The following SLC5A10 variants were observed in gnomAD, a reference collection of about 807,000 sequenced individuals.
The protein encoded by SLC5A10 is sodium/mannose cotransporter SLC5A10.
In SLC5A10, 55 loss-of-function variants were observed where a neutral mutation model predicts 68.9. The ratio of observed to expected loss-of-function variants is 0.80; its 90% CI spans 0.64 to 1.00. The LOEUF (loss-of-function observed/expected upper bound fraction) is 1.00, where lower values mean the gene tolerates loss of function less well. SLC5A10 is among the 50% of genes least tolerant of loss of function. The pLI is 0.00. For missense variants in SLC5A10, 732 were observed against 819.3 expected (o/e 0.89, Z 1.30); for synonymous variants, 344 against 344.8 (o/e 1.00, Z 0.02).
At chr17:18,969,465 C>T (rs540340579) in intron 7 of SLC5A10, 43 bp downstream of exon 7, 7 of 1,579,270 alleles carry the variant, frequency 4.4e-6, no homozygotes, top group East Asian at 2.2e-5. Flanking sequence ...GTCCCCACAG[C>T]GAGCCCTTTG....
intron 9 of SLC5A10, among the ~76,000 whole-genome samples, chr17:19,009,274 C>T (rs1008910776): frequency 1.3e-5 from 2 of 152,156 alleles, no homozygotes; most frequent in Non-Finnish European, 2.9e-5. Flanking sequence ...TCACTGCAGC[C>T]TGCACCTCCC....
rs1182605629 is a variant in SLC5A10 at position 18,971,893 on chromosome 17, T to G, written c.846+675T>G. The G allele has an allele frequency of 3.7e-6, 3 of 812,574 alleles. No homozygotes were observed. The allele number at this position is 812,574 out of a possible 1,614,324, so 50.3% of individuals were successfully genotyped here. On this transcript the variant is annotated intron_variant, in intron 8 of 14. Coordinates refer to ENST00000395645, the MANE Select transcript of SLC5A10 (RefSeq NM_001042450.4). This position sits in a 1 kb window ranked among gnomAD's most constrained non-coding sequence, Gnocchi z 5.5. ...TCACCAGGGAGTGGGCCTAGACCAG[T>G]TGGTTTAGTCACTCGATGCCTCAGT...
rs201628555 is a variant in SLC5A10, at chr17:19,006,382, T to TTTTTTTC, written c.983-7007_983-7001dup. 9.3e-3 allele frequency among the ~76,000 whole-genome samples: 1,405 copies of TTTTTTTC among 151,306 alleles called. 105 individuals are homozygous for TTTTTTTC. In the East Asian group the frequency reaches 0.18, roughly 19 times the overall value. ...ACCAGAGACACCATGCCCAGCTAAT[T>TTTTTTTC]TTTTTTCTTTTTTCTTTTTTCTTTT... On this transcript the variant is annotated intron_variant, in intron 9 of 14. Transcript: ENST00000395645.
Position 19,013,453 on chromosome 17 carries a change from C to T in SLC5A10, c.1026C>T (p.Cys342=), listed in dbSNP as rs761581582. ...CVVPSECLRA[C]GAEVGCSNIA... ...TGCCGTCCGAGTGCCTGCGGGCCTG[C>T]GGGGCCGAGGTCGGCTGCTCCAACA... Residue 342 remains cysteine, a synonymous_variant, in exon 10 of 15, where the codon TGC becomes TGT. Transcript: ENST00000395645. 45 of 1,603,772 alleles carry T rather than the reference C, an allele frequency of 2.8e-5. No homozygotes were observed. Among genetic ancestry groups the T allele is most frequent in the South Asian group, 2.3e-4 (21 of 89,990 alleles).
chr17:18,965,912 T>C (rs1357424244), intron 5 of SLC5A10, among the ~76,000 whole-genome samples: 1 of 152,174 alleles, frequency 6.6e-6, no homozygotes, highest in African/African-American at 2.4e-5. Flanking sequence ...ATTTCACTTC[T>C]CCATGCCCAG....
chr17:19,002,402 C>T (rs1431570647), intron 9 of SLC5A10, among the ~76,000 whole-genome samples: 1 of 152,218 alleles, frequency 6.6e-6, no homozygotes, highest in African/African-American at 2.4e-5. Flanking sequence ...CAGTTCTTGA[C>T]CCACGTCTGG....
chr17:19,017,350 A>G lies in SLC5A10; in HGVS notation c.1242-2073A>G. 3 of 1,551,696 alleles carry G rather than the reference A, an allele frequency of 1.9e-6. No individual in the cohort carries two copies. The highest frequency in any genetic ancestry group is 2.6e-6 in the Non-Finnish European group (3 of 1,146,962). On this transcript the variant is annotated intron_variant, in intron 11 of 14. Transcript: ENST00000395645. The surrounding 1 kb of genome is among the most constrained non-coding windows in gnomAD (Gnocchi z 5.6). ...TCAGCTTCCTCCTGCCCGAAACACC[A>G]CCATTGGAGCGGTATCTCCTAGGCC...
chr17:19,007,078 A>G (rs573805357), intron 9 of SLC5A10, among the ~76,000 whole-genome samples: 130 of 152,258 alleles, frequency 8.5e-4, no homozygotes, highest in African/African-American at 2.9e-3. Flanking sequence ...TGGTAGTTGC[A>G]TGTTCAAACA....
intron 9 of SLC5A10, among the ~76,000 whole-genome samples, chr17:18,989,130 C>G (rs1418142813): frequency 6.6e-6 from 1 of 152,220 alleles, no homozygotes; most frequent in Non-Finnish European, 1.5e-5. Context: ...GCCTACACTG[C>G]TGATGCAGAC....
At position 19,005,154 on chromosome 17, in the gene SLC5A10, T is replaced by C. The variant is rs963289616; in HGVS notation, c.983-8256T>C. Among the ~76,000 whole-genome samples, 17 of 152,262 alleles carry C rather than the reference T, an allele frequency of 1.1e-4. 2 individuals carry two copies. The highest frequency in any genetic ancestry group is 7.8e-4 in the Admixed American group (12 of 15,306). On this transcript the variant is annotated intron_variant, in intron 9 of 14. Coordinates refer to ENST00000395645, the MANE Select transcript of SLC5A10 (RefSeq NM_001042450.4). ...CCAGCTGTCCAGTTGTGGAAACAGG[T>C]CTAGGGTACTGGGCTGGGAGCCCCC...
rs150908906 is a variant in SLC5A10 at position 19,006,025 on chromosome 17, T to C, written c.983-7385T>C. On this transcript the variant is annotated intron_variant, in intron 9 of 14. Transcript: ENST00000395645. ...CAGCTTCTCCCTGTGTTCTTACCAA[T>C]GCACAGAGGCTGGAGAGTTCAGGAA... Among the ~76,000 whole-genome samples the C allele has an allele frequency of 7.2e-5, 11 of 152,274 alleles. No homozygotes were observed. The East Asian group carries it at 2.1e-3, about 29-fold the overall frequency.
At position 19,004,857 on chromosome 17, in the gene SLC5A10, C is replaced by T. The variant is rs1195251394; in HGVS notation, c.983-8553C>T. The stretch of plus-strand genomic sequence containing the variant: ...GTGCCGCCCGGGGCGGGGCCGGAAG[C>T]TGATTCACCCCTCGACAGACAGACA... On this transcript the variant is annotated intron_variant, in intron 9 of 14. Coordinates refer to ENST00000395645, the MANE Select transcript of SLC5A10 (RefSeq NM_001042450.4). This position sits in a 1 kb window ranked among gnomAD's most constrained non-coding sequence, Gnocchi z 5.4. 6.6e-6 allele frequency: 1 copy of T among 151,858 alleles called. No individual in the cohort carries two copies. The highest frequency in any genetic ancestry group is 1.5e-5 in the Non-Finnish European group (1 of 67,926). 9.4% of individuals were successfully genotyped at this position (151,858 alleles called of 1,614,324 possible).
chr17:18,970,957 G>C, intron 7 of SLC5A10, 56 bp from the exon 8 acceptor site: 1 of 1,553,064 alleles, frequency 6.4e-7, no homozygotes, highest in Non-Finnish European at 8.9e-7. Context: ...GGGGAGCCCA[G>C]GGAGTCAGGG....
At chr17:18,969,724 T>C in intron 7 of SLC5A10, 1 of 353,690 alleles carries the variant, frequency 2.8e-6, no homozygotes, top group Non-Finnish European at 5.1e-6. Context: ...CGCTTGATGG[T>C]GAGGTGGGGC....
At position 18,971,452 on chromosome 17, in the gene SLC5A10, C is replaced by G; in HGVS notation, c.846+234C>G. On this transcript the variant is annotated intron_variant, in intron 8 of 14. Transcript: ENST00000395645. This position sits in a 1 kb window ranked among gnomAD's most constrained non-coding sequence, Gnocchi z 5.5. ...CGCCCGTCCTGGCCTTTAGGTGCTT[C>G]GACTGAGACAGTTTGGAGTATGGGA... is the stretch of plus-strand genomic sequence containing the variant. The G allele has an allele frequency of 6.2e-7, 1 of 1,613,936 alleles. No homozygotes were observed. Among genetic ancestry groups the G allele is most frequent in the South Asian group, 1.1e-5 (1 of 91,084 alleles).
In SLC5A10 at chr17:19,003,487, G is replaced by A. The variant is rs2043786030; in HGVS notation, c.983-9923G>A. On this transcript the variant is annotated intron_variant, in intron 9 of 14. Transcript: ENST00000395645. This position sits in a 1 kb window ranked among gnomAD's most constrained non-coding sequence, Gnocchi z 4.5. ...TGAGAGGGGTCCGGTGGCTGGTTGG[G>A]CCATGGCTCCAGGAGTCCCCGCGCT... 6.6e-7 allele frequency: 1 copy of A among 1,504,852 alleles called. No individual in the cohort carries two copies. Among genetic ancestry groups the A allele is most frequent in the South Asian group, 1.4e-5 (1 of 73,940 alleles). The allele number at this position is 1,504,852 out of a possible 1,614,324, so 93.2% of individuals were successfully genotyped here.
At chr17:18,970,174 GCAGCAGGCTGCCTCTTC>G (rs1385471301) in intron 7 of SLC5A10, 2 of 152,264 alleles carry the variant, frequency 1.3e-5, no homozygotes. Context: ...CAGCATCCAG[GCAGCAGGCTGCCTCTTC>G]CATGTCCCAC....
At chr17:18,965,604 G>A (rs1335919601) in intron 5 of SLC5A10, among the ~76,000 whole-genome samples, 2 of 152,182 alleles carry the variant, frequency 1.3e-5, no homozygotes, top group African/African-American at 4.8e-5. Flanking sequence ...TACGTGGGGA[G>A]CTTGGGGGTC....
rs200545519 is a variant in SLC5A10, at chr17:18,960,525, C to T, written c.349-23C>T. 8.1e-6 allele frequency: 13 copies of T among 1,606,054 alleles called. No individual in the cohort carries two copies. The East Asian group carries it at 8.9e-5, about 11-fold the overall frequency. ...TGGGCATCATCTGGAGGATGCTTAG[C>T]CCCTACCCATGTGCCTTCCCAGATC... On this transcript the variant is annotated intron_variant, in intron 4 of 14. Transcript: ENST00000395645.
Sources: allele counts gnomAD v4.1 joint callset (sites outside exome capture counted in the v4.1 genomes callset), GRCh38; gene constraint gnomAD v4.1.1; non-coding constraint Gnocchi (gnomAD v3.1); transcripts MANE v1.5; gene names NCBI Gene and HGNC (gene_info 2026-07-23, HGNC 2026-07-21).